Variants in DOCK9 observed in about 807,000 individuals in gnomAD.
The protein encoded by DOCK9 is dedicator of cytokinesis 9, also known as dedicator of cytokinesis protein 9.
Under a neutral mutation model 263.3 loss-of-function variants are expected in DOCK9, and 89 were observed. The observed-to-expected ratio is 0.34, with a 90% CI of 0.28 to 0.40. The LOEUF is 0.40. Among genes scored for constraint, DOCK9 ranks in the 10% least tolerant of loss-of-function variants. DOCK9 has a pLI of 1.00. For missense variants in DOCK9, 2,140 were observed against 2,603.4 expected, an observed-to-expected ratio of 0.82 and a Z score of 3.87; for synonymous variants, 976 against 973.1, an observed-to-expected ratio of 1.00 and a Z score of -0.06.
rs566352113 is a variant in DOCK9 at position 98,941,579 on chromosome 13, TA to T, written c.244-11323del. Among the ~76,000 whole-genome samples, 104 of 152,342 alleles carry T rather than the reference TA, an allele frequency of 6.8e-4. 1 individual carries two copies. The highest frequency in any genetic ancestry group is 2.4e-3 in the African/African-American group (99 of 41,584). ...AAGTGCATTTTTGTAAAGAATTATA[TA>T]TTTTTTTGGTCTTACAAAGAAGCAA... On this transcript the variant is annotated intron_variant, in intron 2 of 52. Coordinates refer to ENST00000682017, the MANE Select transcript of DOCK9 (RefSeq NM_001366683.2).
intron 49 of DOCK9, among the ~76,000 whole-genome samples, chr13:98,800,688 G>C (rs1262974358): frequency 1.3e-5 from 2 of 152,166 alleles, no homozygotes; most frequent in Non-Finnish European, 2.9e-5. Flanking sequence ...AAAGTCAAGA[G>C]AGTTGGGTCC....
chr13:99,086,139 C>G (rs2142527622), intron 1 of DOCK9: 15 of 1,385,270 alleles, frequency 1.1e-5, no homozygotes, highest in Middle Eastern at 2.7e-4. Context: ...CTCAGCCCTG[C>G]CGACTAAGAG....
At chr13:98,938,399 C>T (rs2055260351) in intron 2 of DOCK9, among the ~76,000 whole-genome samples, 1 of 152,140 alleles carries the variant, frequency 6.6e-6, no homozygotes, top group African/African-American at 2.4e-5. Context: ...TCTAGGTTTC[C>T]TTTGTGGTTT....
chr13:98,811,214 G>A (rs1339875501), intron 45 of DOCK9, among the ~76,000 whole-genome samples: 2 of 152,220 alleles, frequency 1.3e-5, no homozygotes, highest in African/African-American at 4.8e-5. Flanking sequence ...GCCCATTTTA[G>A]AGGGGTTTCA....
Position 98,809,472 on chromosome 13 carries a change from A to G in DOCK9, c.5254-7T>C. Reference sequence around the variant, plus strand: ...CATACAGATGGGCCAGCCTCTGGAAAGCAGAACAAAGCCCATTTCTTCCCA... The same window carrying G: ...CATACAGATGGGCCAGCCTCTGGAAGGCAGAACAAAGCCCATTTCTTCCCA... On this transcript the variant is annotated splice_polypyrimidine_tract_variant and splice_region_variant and intron_variant, in intron 46 of 52. Coordinates refer to ENST00000682017, the MANE Select transcript of DOCK9 (RefSeq NM_001366683.2). The G allele has an allele frequency of 6.3e-7, 1 of 1,582,408 alleles. No homozygotes were observed. Among genetic ancestry groups the G allele is most frequent in the East Asian group, 2.2e-5 (1 of 44,534 alleles).
intron 34 of DOCK9, among the ~76,000 whole-genome samples, chr13:98,854,891 C>G (rs1253123094): frequency 6.6e-6 from 1 of 152,130 alleles, no homozygotes; most frequent in Non-Finnish European, 1.5e-5. Context: ...AAACCTGATG[C>G]TGAGGAAGGA....
chr13:99,003,104 G>C (rs1425999277), intron 1 of DOCK9, among the ~76,000 whole-genome samples: 2 of 152,300 alleles, frequency 1.3e-5, no homozygotes, highest in Admixed American at 1.3e-4. Context: ...GCCCCTTCCA[G>C]GCCAAGGGGA....
At chr13:98,840,640 C>A (rs974244021) in intron 38 of DOCK9, among the ~76,000 whole-genome samples, 2 of 152,184 alleles carry the variant, frequency 1.3e-5, no homozygotes, top group African/African-American at 4.8e-5. Flanking sequence ...TCCCTCCCCA[C>A]CACCATGACA....
At chr13:98,854,989 G>A (rs1376054698) in intron 34 of DOCK9, among the ~76,000 whole-genome samples, 3 of 152,198 alleles carry the variant, frequency 2.0e-5, no homozygotes, top group Non-Finnish European at 4.4e-5. Flanking sequence ...GTAACTTGAA[G>A]TAACTTAGAA....
At chr13:98,907,583 T>C (rs940369565) in intron 9 of DOCK9, among the ~76,000 whole-genome samples, 25 of 152,182 alleles carry the variant, frequency 1.6e-4, no homozygotes, top group African/African-American at 5.8e-4. Flanking sequence ...ACCACAGACA[T>C]CATTTATTGG....
chr13:98,996,113 C>T (rs1192429198), intron 1 of DOCK9, among the ~76,000 whole-genome samples: 11 of 152,146 alleles, frequency 7.2e-5, no homozygotes, highest in African/African-American at 1.2e-4. Context: ...TGGACATATA[C>T]GCACTGGGAT....
At chr13:98,901,756 A>G in intron 13 of DOCK9, 22 bp downstream of exon 13, 4 of 1,609,212 alleles carry the variant, frequency 2.5e-6, no homozygotes, top group Middle Eastern at 3.3e-4. Context: ...TTACCACCCC[A>G]AAGCGTAAAA....
chr13:99,023,973 A>G (rs1305173064), intron 1 of DOCK9, among the ~76,000 whole-genome samples: 1 of 152,256 alleles, frequency 6.6e-6, no homozygotes, highest in East Asian at 1.9e-4. Context: ...ACGAATGAAC[A>G]AATACAATGT....
At position 98,898,183 on chromosome 13, in the gene DOCK9, C is replaced by T; in HGVS notation, c.1582G>A (p.Ala528Thr). ...GQYRMPFAWA[A>T]RTLFKDASGN... The stretch of plus-strand genomic sequence containing the variant: ...GGTATAAAAGGTGTTCCTTACCTTG[C>T]TGCCCAAGCAAATGGCATTCTATAC... Residue 528 changes from alanine to threonine, a missense_variant, in exon 14 of 53, where the codon GCA (alanine) becomes ACA (threonine). Coordinates refer to ENST00000682017, the MANE Select transcript of DOCK9 (RefSeq NM_001366683.2). 1 of 1,610,014 alleles carries T rather than the reference C, an allele frequency of 6.2e-7. No homozygotes were observed. The highest frequency in any genetic ancestry group is 8.5e-7 in the Non-Finnish European group (1 of 1,177,936).
chr13:98,910,633 G>A (rs1296235813), intron 9 of DOCK9, among the ~76,000 whole-genome samples: 4 of 152,104 alleles, frequency 2.6e-5, no homozygotes, highest in African/African-American at 7.2e-5. Context: ...AACAAAAGCC[G>A]GGGCAACAGG....
chr13:98,872,598 C>T (rs772390548), intron 27 of DOCK9, among the ~76,000 whole-genome samples: 5 of 151,982 alleles, frequency 3.3e-5, no homozygotes, highest in Non-Finnish European at 5.9e-5. Context: ...GCAGAGATGA[C>T]GTCTCACTAT....
chr13:99,020,357 A>G (rs1024215250), intron 1 of DOCK9, among the ~76,000 whole-genome samples: 7 of 152,258 alleles, frequency 4.6e-5, no homozygotes, highest in African/African-American at 1.2e-4. Flanking sequence ...CCACATTAAC[A>G]TGGGAGGTGG....
At chr13:99,001,579 T>C (rs111511582) in intron 1 of DOCK9, among the ~76,000 whole-genome samples, 86 of 152,334 alleles carry the variant, frequency 5.6e-4, no homozygotes, top group African/African-American at 1.8e-3. Flanking sequence ...TTTCCAGACA[T>C]CACACTAAGG....
intron 41 of DOCK9, among the ~76,000 whole-genome samples, chr13:98,831,021 G>C (rs58101499): frequency 0.056 from 8,578 of 152,186 alleles, 800 homozygotes; most frequent in African/African-American, 0.2. Context: ...GAACCACTTA[G>C]GTTGGGCTTC....
Sources: allele counts gnomAD v4.1 joint callset (sites outside exome capture counted in the v4.1 genomes callset), GRCh38; gene constraint gnomAD v4.1.1; transcripts MANE v1.5; gene names NCBI Gene and HGNC (gene_info 2026-07-23, HGNC 2026-07-21).